ZNF385B: variants seen among roughly 807,000 people sequenced by gnomAD.
ZNF385B encodes zinc finger protein 533.
In ZNF385B, 23 loss-of-function variants were observed where a neutral mutation model predicts 39.2. The observed-to-expected ratio is 0.59, with a 90% CI of 0.42 to 0.83. The LOEUF is 0.83. Ranked by LOEUF, ZNF385B falls within the 40% of genes least tolerant of loss-of-function variation. ZNF385B has a pLI of 0.00. For synonymous variants in ZNF385B, 205 were observed against 222.6 expected (o/e 0.92, Z 0.70); for missense variants, 552 against 598.9 (o/e 0.92, Z 0.82).
Position 179,483,309 on chromosome 2 carries a change from G to T in ZNF385B, c.678C>A (p.Ser226=). The change falls in exon 6 of 10, where the codon TCC becomes TCA. Residue 226 remains serine (S), a synonymous_variant. Coordinates refer to ENST00000410066, the MANE Select transcript of ZNF385B (RefSeq NM_152520.6). The stretch of plus-strand genomic sequence containing the variant: ...AGTTGTTGCCTGTGATTGGAGTGAT[G>T]GAGCAGCTGGGATTAGCCTTTGCGC... ...KDSAKANPSC[S]ITPITGNNSD... The T allele has an allele frequency of 1.2e-6, 2 of 1,613,946 alleles. No homozygotes were observed. Among genetic ancestry groups the T allele is most frequent in the Non-Finnish European group, 1.7e-6 (2 of 1,179,912 alleles).
At chr2:179,541,497 T>C (rs748159994) in intron 4 of ZNF385B, among the ~76,000 whole-genome samples, 2 of 152,190 alleles carry the variant, frequency 1.3e-5, no homozygotes, top group African/African-American at 4.8e-5. Context: ...CTTTCAACTA[T>C]GGTCTCAGAG....
chr2:179,512,967 C>CAAT (rs1421774812), intron 5 of ZNF385B, among the ~76,000 whole-genome samples: 1 of 152,086 alleles, frequency 6.6e-6, no homozygotes, highest in Non-Finnish European at 1.5e-5. Context: ...AAGGGGGGTA[C>CAAT]AGGAACTTAA....
Position 179,712,518 on chromosome 2 carries a change from C to T in ZNF385B, c.298+56985G>A, listed in dbSNP as rs1700071238. Among the ~76,000 whole-genome samples, 4 of 152,268 alleles carry T rather than the reference C, an allele frequency of 2.6e-5. No individual in the cohort carries two copies. In the South Asian group the frequency reaches 8.3e-4, roughly 32 times the overall value. On this transcript the variant is annotated intron_variant, in intron 3 of 9. Coordinates refer to ENST00000410066, the MANE Select transcript of ZNF385B (RefSeq NM_152520.6). ...CTCTCATCTTCTTCTTCAATAGGCTCTGTTGCTTTTGTTTCTCTAATCTGT... is the reference window on the plus strand; with the variant it reads ...CTCTCATCTTCTTCTTCAATAGGCTTTGTTGCTTTTGTTTCTCTAATCTGT...
chr2:179,677,501 T>C (rs977549138), intron 3 of ZNF385B, among the ~76,000 whole-genome samples: 2 of 152,252 alleles, frequency 1.3e-5, no homozygotes, highest in African/African-American at 4.8e-5. Context: ...GAAGTTGTTG[T>C]GAGAAGCTTT....
chr2:179,777,458 T>C (rs1047712150), intron 1 of ZNF385B, among the ~76,000 whole-genome samples: 3 of 152,088 alleles, frequency 2.0e-5, no homozygotes, highest in Admixed American at 6.6e-5. Flanking sequence ...TAAATAACTA[T>C]GGACAAAACA....
chr2:179,471,586 A>AGTTGTC (rs2052775746), intron 6 of ZNF385B, among the ~76,000 whole-genome samples: 1 of 152,214 alleles, frequency 6.6e-6, no homozygotes, highest in South Asian at 2.1e-4. Context: ...CAGACATTAC[A>AGTTGTC]GTTGTCATAG....
chr2:179,703,768 T>A (rs1037161272), intron 3 of ZNF385B, among the ~76,000 whole-genome samples: 1 of 152,246 alleles, frequency 6.6e-6, no homozygotes, highest in Non-Finnish European at 1.5e-5. Flanking sequence ...TGCCCACATA[T>A]AACTATTCTC....
chr2:179,671,692 C>T (rs1468441563), intron 3 of ZNF385B, among the ~76,000 whole-genome samples: 1 of 152,168 alleles, frequency 6.6e-6, no homozygotes, highest in Non-Finnish European at 1.5e-5. Context: ...TAGCCCTGTT[C>T]CCCCAGCCCC....
intron 3 of ZNF385B, among the ~76,000 whole-genome samples, chr2:179,561,730 C>T (rs2061348758): frequency 6.6e-6 from 1 of 151,888 alleles, no homozygotes; most frequent in Admixed American, 6.6e-5. Context: ...TGTATACATA[C>T]AAATTATACC....
At chr2:179,700,288 A>G (rs1263198619) in intron 3 of ZNF385B, among the ~76,000 whole-genome samples, 1 of 152,184 alleles carries the variant, frequency 6.6e-6, no homozygotes, top group African/African-American at 2.4e-5. Flanking sequence ...CTGTGTCCTC[A>G]CAGGTCACGT....
intron 3 of ZNF385B, among the ~76,000 whole-genome samples, chr2:179,730,982 T>C (rs1377609073): frequency 1.3e-5 from 2 of 152,232 alleles, no homozygotes; most frequent in African/African-American, 2.4e-5. Context: ...CATCAAAATA[T>C]AACTCAGACT....
intron 3 of ZNF385B, among the ~76,000 whole-genome samples, chr2:179,693,122 T>C (rs1262798635): frequency 6.6e-6 from 1 of 152,244 alleles, no homozygotes; most frequent in Non-Finnish European, 1.5e-5. Flanking sequence ...TTTTCATATT[T>C]TTCTAAGAGA....
At chr2:179,575,078 C>G (rs1685661366) in intron 3 of ZNF385B, among the ~76,000 whole-genome samples, 1 of 152,090 alleles carries the variant, frequency 6.6e-6, no homozygotes, top group African/African-American at 2.4e-5. Context: ...GGTATTATCT[C>G]TCTGCCAATG....
intron 3 of ZNF385B, among the ~76,000 whole-genome samples, chr2:179,595,352 T>C (rs1483943730): frequency 6.6e-6 from 1 of 152,220 alleles, no homozygotes; most frequent in African/African-American, 2.4e-5. Flanking sequence ...AACTTTCTTC[T>C]AATGTTTCTT....
chr2:179,846,445 A>C (rs1406053051), intron 1 of ZNF385B, among the ~76,000 whole-genome samples: 2 of 152,208 alleles, frequency 1.3e-5, no homozygotes, highest in East Asian at 3.9e-4. Context: ...AAGGCCTCTG[A>C]ATGAGACAAG....
At chr2:179,785,309 T>C (rs1704927234) in intron 1 of ZNF385B, among the ~76,000 whole-genome samples, 1 of 152,128 alleles carries the variant, frequency 6.6e-6, no homozygotes, top group Admixed American at 6.6e-5. Flanking sequence ...AATCCATTGA[T>C]CTATACATTT....
intron 3 of ZNF385B, among the ~76,000 whole-genome samples, chr2:179,592,431 G>T (rs1687643343): frequency 6.6e-6 from 1 of 152,170 alleles, no homozygotes; most frequent in Non-Finnish European, 1.5e-5. Context: ...TATTTTCGTA[G>T]AAGGCTTTCC....
chr2:179,708,264 C>T (rs1412211371), intron 3 of ZNF385B, among the ~76,000 whole-genome samples: 1 of 152,184 alleles, frequency 6.6e-6, no homozygotes, highest in Admixed American at 6.5e-5. Context: ...GAGTGTTTGA[C>T]AATTCCTCCT....
intron 5 of ZNF385B, among the ~76,000 whole-genome samples, chr2:179,502,732 G>T (rs937077167): frequency 6.6e-6 from 1 of 152,080 alleles, no homozygotes; most frequent in Non-Finnish European, 1.5e-5. Context: ...AATACACTCT[G>T]CATCTGTTGA....
Sources: gnomAD v4.1 joint callset for allele counts (sites outside exome capture counted in the v4.1 genomes callset) on GRCh38, gnomAD v4.1.1 for gene constraint, MANE v1.5 for transcripts, NCBI Gene and HGNC (gene_info 2026-07-23, HGNC 2026-07-21) for gene names.